Variants in TMEM132E observed in about 807,000 individuals in gnomAD.
TMEM132E encodes transmembrane protein 132E.
Under a neutral mutation model 78.5 loss-of-function variants are expected in TMEM132E, and 49 were observed. The ratio of observed to expected loss-of-function variants is 0.62; its 90% CI spans 0.50 to 0.79. TMEM132E has a LOEUF of 0.79. TMEM132E is among the 30% of genes least tolerant of loss of function. The probability of loss-of-function intolerance (pLI) is 0.00; values close to 1 mark genes in which losing one functional copy is unlikely to be tolerated. For synonymous variants in TMEM132E, 715 were observed against 670.6 expected, an observed-to-expected ratio of 1.07 and a Z score of -1.02; for missense variants, 1,403 against 1,470.9, an observed-to-expected ratio of 0.95 and a Z score of 0.75.
At chr17:34,597,296 G>A (rs1042686777) in intron 1 of TMEM132E, among the ~76,000 whole-genome samples, 9 of 152,218 alleles carry the variant, frequency 5.9e-5, no homozygotes, top group Non-Finnish European at 1.0e-4. Flanking sequence ...ATTCCCTTGG[G>A]GCAGGGCTCC....
In TMEM132E at chr17:34,637,501, C is replaced by T. The variant is rs751083949; in HGVS notation, c.2494C>T (p.Pro832Ser). ...CTACCCGGGCCCCAGCCAACCAGGG[C>T]CCGGCGGGGGCGAGGACGAGGCCCG... ...YDYPGPSQPG[P>S]GGGEDEARGA... The change falls in exon 9 of 9, where the codon CCC becomes TCC. Residue 832 changes from proline to serine, a missense_variant. Pro to Ser is a moderately conservative substitution (Grantham distance 74). Coordinates refer to ENST00000631683, the MANE Select transcript of TMEM132E (RefSeq NM_001304438.2). 6.2e-7 allele frequency: 1 copy of T among 1,606,934 alleles called. No homozygotes were observed. Among genetic ancestry groups the T allele is most frequent in the Non-Finnish European group, 8.5e-7 (1 of 1,177,220 alleles).
At chr17:34,611,414 C>G (rs1212316145) in intron 1 of TMEM132E, among the ~76,000 whole-genome samples, 1 of 152,212 alleles carries the variant, frequency 6.6e-6, no homozygotes, top group African/African-American at 2.4e-5. Context: ...TTTCTCCTCT[C>G]TGGACCTTAG....
At chr17:34,629,872 C>T (rs1014567891) in intron 4 of TMEM132E, 136 bp from the exon 5 acceptor site, 16 of 1,021,380 alleles carry the variant, frequency 1.6e-5, no homozygotes, top group African/African-American at 9.8e-5. Context: ...TCCCTGCACA[C>T]GGGTGCAAGT....
chr17:34,621,764 G>A (rs957392680), intron 1 of TMEM132E, among the ~76,000 whole-genome samples: 1 of 152,130 alleles, frequency 6.6e-6, no homozygotes, highest in Non-Finnish European at 1.5e-5. Flanking sequence ...CCAGGCCCAC[G>A]GAATTGTTAT....
chr17:34,638,467 G>A lies in TMEM132E; in HGVS notation c.*235G>A, dbSNP rs982512481. The A allele has an allele frequency of 1.7e-5, 8 of 471,994 alleles. No individual in the cohort carries two copies. The highest frequency in any genetic ancestry group is 2.6e-5 in the Non-Finnish European group (7 of 272,826). The allele number at this position is 471,994 out of a possible 1,614,324, so 29.2% of individuals were successfully genotyped here. A position where few individuals can be genotyped will look rare whatever the true frequency, so the allele number is the denominator to read the frequency against. On this transcript the variant is annotated 3_prime_UTR_variant, in exon 9 of 9. Coordinates refer to ENST00000631683, the MANE Select transcript of TMEM132E (RefSeq NM_001304438.2). ...TGGAGGGCTCTTCCTCCAGTGGCTC[G>A]TAAGGAGGAAAGCAACCCCAGCCTC...
chr17:34,605,167 G>A (rs149998682), intron 1 of TMEM132E, among the ~76,000 whole-genome samples: 14 of 152,160 alleles, frequency 9.2e-5, no homozygotes, highest in Admixed American at 5.9e-4. Context: ...CAGCCATGAC[G>A]TCCTAAGTGA....
chr17:34,629,403 A>AT (rs1420073660), intron 4 of TMEM132E, among the ~76,000 whole-genome samples, 199 bp downstream of exon 4: 1 of 152,178 alleles, frequency 6.6e-6, no homozygotes, highest in African/African-American at 2.4e-5. Flanking sequence ...AGGACAGCAG[A>AT]TGCTCAGGGG....
intron 1 of TMEM132E, among the ~76,000 whole-genome samples, chr17:34,594,708 G>C (rs563038018): frequency 6.6e-6 from 1 of 152,212 alleles, no homozygotes; most frequent in African/African-American, 2.4e-5. Flanking sequence ...TCCTGCCTCA[G>C]CCTCCTGAGT....
chr17:34,613,717 C>G (rs574985050), intron 1 of TMEM132E, among the ~76,000 whole-genome samples: 17 of 151,956 alleles, frequency 1.1e-4, no homozygotes, highest in Non-Finnish European at 2.5e-4. Context: ...GCGGGGGTCT[C>G]TCTCCCTCCC....
chr17:34,613,207 A>ACGCGCGCGCGCG (rs1245968091), intron 1 of TMEM132E, among the ~76,000 whole-genome samples: 61 of 82,886 alleles, frequency 7.4e-4, no homozygotes, highest in Non-Finnish European at 7.7e-4. Context: ...CCACACACAC[A>ACGCGCGCGCGCG]CACACGCGCG....
intron 1 of TMEM132E, among the ~76,000 whole-genome samples, chr17:34,587,123 T>A (rs1597674617): frequency 6.6e-6 from 1 of 152,296 alleles, no homozygotes; most frequent in East Asian, 1.9e-4. Flanking sequence ...GTTACCAGGA[T>A]GGATAGGATG....
At chr17:34,637,129 C>A (rs1305610655) in intron 8 of TMEM132E, 48 bp from the exon 9 acceptor site, 2 of 1,524,730 alleles carry the variant, frequency 1.3e-6, no homozygotes, top group East Asian at 2.3e-5. Context: ...AGGAAGCCAG[C>A]TGAACCAGCT....
chr17:34,634,663 T>C (rs1390975982), intron 6 of TMEM132E, 136 bp from the exon 7 acceptor site: 1 of 1,037,534 alleles, frequency 9.6e-7, no homozygotes, highest in Non-Finnish European at 1.4e-6. Context: ...ATGGAAGGCA[T>C]GAGCCATAGA....
chr17:34,630,246 C>A, intron 5 of TMEM132E, 95 bp downstream of exon 5: 1 of 1,361,240 alleles, frequency 7.3e-7, no homozygotes, highest in Non-Finnish European at 1.0e-6. Context: ...GACTCTTACT[C>A]ATCCTCTAAC....
At chr17:34,616,092 T>C (rs1267925493) in intron 1 of TMEM132E, among the ~76,000 whole-genome samples, 1 of 152,092 alleles carries the variant, frequency 6.6e-6, no homozygotes, top group Non-Finnish European at 1.5e-5. Flanking sequence ...GACCCTTTTT[T>C]CTCATCTGTA....
chr17:34,629,936 T>G, intron 4 of TMEM132E, 72 bp from the exon 5 acceptor site: 1 of 1,488,078 alleles, frequency 6.7e-7, no homozygotes, highest in South Asian at 1.3e-5. Context: ...GTCCAGGAGC[T>G]GGGGCCTTGG....
chr17:34,618,068 C>T (rs184458395), intron 1 of TMEM132E, among the ~76,000 whole-genome samples: 5 of 152,258 alleles, frequency 3.3e-5, no homozygotes, highest in East Asian at 1.9e-4. Context: ...TGAACATTTT[C>T]CCATTCAGGT....
At position 34,632,622 on chromosome 17, in the gene TMEM132E, G is replaced by C. The variant is rs1567721518; in HGVS notation, c.1483-82G>C. 4.7e-6 allele frequency: 7 copies of C among 1,473,688 alleles called. No homozygotes were observed. In the East Asian group the frequency reaches 6.8e-5, roughly 14 times the overall value. 91.3% of individuals were successfully genotyped at this position (1,473,688 alleles called of 1,614,324 possible). A position where few individuals can be genotyped will look rare whatever the true frequency, so the allele number is the denominator to read the frequency against. On this transcript the variant is annotated intron_variant, in intron 5 of 8. Transcript: ENST00000631683. The stretch of plus-strand genomic sequence containing the variant: ...CTCCTAGGACTTTCCCTCCAGCCCT[G>C]GTTGTCAGACTGAAGTCCTCCGCAC...
intron 1 of TMEM132E, among the ~76,000 whole-genome samples, chr17:34,612,082 A>T (rs906831662): frequency 6.6e-6 from 1 of 152,170 alleles, no homozygotes; most frequent in Non-Finnish European, 1.5e-5. Context: ...GGCAGGTGGC[A>T]GTGCCCTAGA....
Sources: gnomAD v4.1 joint callset for allele counts (sites outside exome capture counted in the v4.1 genomes callset) on GRCh38, gnomAD v4.1.1 for gene constraint, MANE v1.5 for transcripts, NCBI Gene and HGNC (gene_info 2026-07-23, HGNC 2026-07-21) for gene names.